The following CRTC3 variants were observed in gnomAD, a reference collection of about 807,000 sequenced individuals.
The protein encoded by CRTC3 is CREB regulated transcription coactivator 3, also known as CREB-regulated transcription coactivator 3.
In CRTC3, 26 loss-of-function variants were observed where a neutral mutation model predicts 74.5. That is an observed-to-expected ratio of 0.35 (90% CI 0.26 to 0.48). CRTC3 has a LOEUF of 0.48. CRTC3 is among the 20% of genes least tolerant of loss of function. CRTC3 has a pLI of 0.99. For missense variants in CRTC3, 760 were observed against 787.3 expected (o/e 0.97, Z 0.41); for synonymous variants, 377 against 325.8 (o/e 1.16, Z -1.69).
chr15:90,630,010 C>T (rs1243702917), intron 11 of CRTC3, among the ~76,000 whole-genome samples: 1 of 152,206 alleles, frequency 6.6e-6, no homozygotes, highest in Non-Finnish European at 1.5e-5. Flanking sequence ...AGGCATGAGC[C>T]ACTGCACCCA....
rs1026368218 is a variant in CRTC3 at position 90,644,099 on chromosome 15, G to A, written c.*1959G>A. ...TTCACATTTGCCCCAAATCTTTGCT[G>A]TGGAATTGGGAAATCAAACCAGAGT... On this transcript the variant is annotated 3_prime_UTR_variant, in exon 15 of 15. Transcript: ENST00000268184. 5 of 229,924 alleles carry A rather than the reference G, an allele frequency of 2.2e-5. No homozygotes were observed. The highest frequency in any genetic ancestry group is 1.7e-4 in the Admixed American group (3 of 17,668). 14.2% of individuals were successfully genotyped at this position (229,924 alleles called of 1,614,324 possible).
chr15:90,554,680 A>G (rs1198672804), intron 2 of CRTC3, among the ~76,000 whole-genome samples: 3 of 152,184 alleles, frequency 2.0e-5, no homozygotes, highest in Non-Finnish European at 4.4e-5. Flanking sequence ...TATATTTGTA[A>G]AGTAGGAGTG....
At chr15:90,553,629 C>T (rs1966867971) in intron 2 of CRTC3, among the ~76,000 whole-genome samples, 1 of 152,156 alleles carries the variant, frequency 6.6e-6, no homozygotes, top group Admixed American at 6.6e-5. Context: ...AACATCTGTA[C>T]CCATGAGAAC....
chr15:90,575,065 G>T (rs1967371229), intron 2 of CRTC3, among the ~76,000 whole-genome samples: 1 of 152,052 alleles, frequency 6.6e-6, no homozygotes, highest in Non-Finnish European at 1.5e-5. Flanking sequence ...AAAAGTTAAT[G>T]TTGGCTGGAT....
At chr15:90,606,258 A>G (rs1474492840) in intron 5 of CRTC3, among the ~76,000 whole-genome samples, 3 of 146,852 alleles carry the variant, frequency 2.0e-5, no homozygotes, top group African/African-American at 7.6e-5. Flanking sequence ...AAAAAGTAAC[A>G]CTAGTAAAAT....
At chr15:90,627,830 G>A (rs1466641739) in intron 10 of CRTC3, among the ~76,000 whole-genome samples, 2 of 125,778 alleles carry the variant, frequency 1.6e-5, no homozygotes, top group African/African-American at 5.5e-5. Flanking sequence ...TAGCCAGGAT[G>A]GTCTTGATCT....
At chr15:90,620,838 C>T (rs1307517669) in intron 9 of CRTC3, among the ~76,000 whole-genome samples, 1 of 152,198 alleles carries the variant, frequency 6.6e-6, no homozygotes, top group Non-Finnish European at 1.5e-5. Context: ...ACTAAATCCA[C>T]TTCAAGCAGT....
chr15:90,542,292 C>A (rs957454150), intron 2 of CRTC3, among the ~76,000 whole-genome samples: 8 of 151,872 alleles, frequency 5.3e-5, no homozygotes, highest in African/African-American at 1.9e-4. Flanking sequence ...GATTCTTCTG[C>A]CTCAGCCTCC....
At chr15:90,574,724 T>A (rs963792651) in intron 2 of CRTC3, among the ~76,000 whole-genome samples, 1 of 152,192 alleles carries the variant, frequency 6.6e-6, no homozygotes, top group Non-Finnish European at 1.5e-5. Flanking sequence ...TGTCAAACTG[T>A]TTGATCTCTG....
chr15:90,535,196 G>A (rs527507564), intron 1 of CRTC3, among the ~76,000 whole-genome samples: 11 of 152,032 alleles, frequency 7.2e-5, no homozygotes, highest in African/African-American at 2.4e-4. Flanking sequence ...TGAACCATGA[G>A]GAGGGCCTAG....
At chr15:90,636,741 A>G (rs1032237743) in intron 11 of CRTC3, among the ~76,000 whole-genome samples, 52 of 152,376 alleles carry the variant, frequency 3.4e-4, no homozygotes, top group African/African-American at 7.5e-4. Context: ...AAAGTGGGCG[A>G]AGGATATGAA....
Position 90,575,402 on chromosome 15 carries a change from T to C in CRTC3, c.232-18234T>C, listed in dbSNP as rs139632141. 2.6e-5 allele frequency among the ~76,000 whole-genome samples: 4 copies of C among 152,334 alleles called. No homozygotes were observed. The East Asian group carries it at 5.8e-4, about 22-fold the overall frequency. ...TTGGTTGCTCCCAGGTTTTTTGTTA[T>C]AGTTAGAAAGTTATCTTCTTTTGTT... On this transcript the variant is annotated intron_variant, in intron 2 of 14. Coordinates refer to ENST00000268184, the MANE Select transcript of CRTC3 (RefSeq NM_022769.5).
At chr15:90,549,443 A>G (rs369563730) in intron 2 of CRTC3, among the ~76,000 whole-genome samples, 2 of 152,120 alleles carry the variant, frequency 1.3e-5, no homozygotes, top group South Asian at 4.1e-4. Flanking sequence ...AAATCCAGCT[A>G]TTTGAAAATT....
chr15:90,614,453 G>A lies in CRTC3; in HGVS notation c.578G>A (p.Gly193Asp). The change falls in exon 7 of 15, where the codon GGT becomes GAT. Residue 193 changes from glycine (G) to aspartate (D), a missense_variant and splice_region_variant. Gly to Asp is a moderately conservative substitution (Grantham distance 94). Coordinates refer to ENST00000268184, the MANE Select transcript of CRTC3 (RefSeq NM_022769.5). ...GQSAWPAPYM[G>D]FCDGENNGHG... ...TTTTTTCTTTTTCCTTTCCCGCTAGGTTTCTGTGATGGTGAGAATAATGGA... is the reference window on the plus strand; with the variant it reads ...TTTTTTCTTTTTCCTTTCCCGCTAGATTTCTGTGATGGTGAGAATAATGGA... 1 of 1,608,036 alleles carries A rather than the reference G, an allele frequency of 6.2e-7. No individual in the cohort carries two copies. The highest frequency in any genetic ancestry group is 8.5e-7 in the Non-Finnish European group (1 of 1,175,056).
chr15:90,604,326 C>T, intron 4 of CRTC3, 59 bp from the exon 5 acceptor site: 1 of 1,344,150 alleles, frequency 7.4e-7, no homozygotes, highest in African/African-American at 1.4e-5. Flanking sequence ...GTGCTGAGGC[C>T]CTCCTTTGCT....
intron 1 of CRTC3, among the ~76,000 whole-genome samples, chr15:90,533,168 C>T (rs1966658989): frequency 6.9e-6 from 1 of 144,266 alleles, no homozygotes; most frequent in African/African-American, 2.6e-5. Flanking sequence ...CTTTGGAAGG[C>T]CGAGGCGGGC....
intron 2 of CRTC3, among the ~76,000 whole-genome samples, chr15:90,580,578 C>G (rs1408117172): frequency 6.6e-6 from 1 of 152,088 alleles, no homozygotes; most frequent in Non-Finnish European, 1.5e-5. Flanking sequence ...CAGGCACGTG[C>G]ATGACCACAC....
rs898984547 is a variant in CRTC3, at chr15:90,605,578, G to T, written c.476+1131G>T. On this transcript the variant is annotated intron_variant, in intron 5 of 14. Coordinates refer to ENST00000268184, the MANE Select transcript of CRTC3 (RefSeq NM_022769.5). ...GATTTTCCCAGTTGGCTCTGCATTC[G>T]TTTGATATTCTCTTGAGTCTCTTTG... is the stretch of plus-strand genomic sequence containing the variant. 2.8e-5 allele frequency among the ~76,000 whole-genome samples: 4 copies of T among 144,930 alleles called. No homozygotes were observed. In the East Asian group the frequency reaches 8.0e-4, roughly 29 times the overall value.
intron 2 of CRTC3, among the ~76,000 whole-genome samples, chr15:90,578,938 G>A (rs1967472100): frequency 6.6e-6 from 1 of 152,118 alleles, no homozygotes; most frequent in African/African-American, 2.4e-5. Flanking sequence ...CTGTGTCTAA[G>A]AAGCTAAATC....
Sources: gnomAD v4.1 joint callset for allele counts (sites outside exome capture counted in the v4.1 genomes callset) on GRCh38, gnomAD v4.1.1 for gene constraint, MANE v1.5 for transcripts, NCBI Gene and HGNC (gene_info 2026-07-23, HGNC 2026-07-21) for gene names.